Variants in KLRB1 observed in about 807,000 individuals in gnomAD.
KLRB1 encodes killer cell lectin like receptor B1, also known as killer cell lectin-like receptor subfamily B member 1.
KLRB1 carries 27 observed loss-of-function variants against 33.5 expected under a neutral mutation model. The observed-to-expected ratio is 0.81, with a 90% CI of 0.59 to 1.11. The LOEUF (loss-of-function observed/expected upper bound fraction) is 1.11, where lower values mean the gene tolerates loss of function less well. Ranked by LOEUF, KLRB1 falls within the 50% of genes most tolerant of loss-of-function variation. The pLI is 0.00. For missense variants in KLRB1, 241 were observed against 254.1 expected (o/e 0.95, Z 0.35); for synonymous variants, 64 against 88.9 (o/e 0.72, Z 1.58).
Position 9,598,147 on chromosome 12 carries a change from G to A in KLRB1, c.429C>T (p.Asn143=). The change falls in exon 5 of 6, where the codon AAC becomes AAT. Residue 143 remains asparagine (N), a synonymous_variant. Coordinates refer to ENST00000229402, the MANE Select transcript of KLRB1 (RefSeq NM_002258.3). ...RDKDELIHTQ[N]LIRDKAILFW... is the part of the protein sequence containing the mutation. ...ACAGAATTGCTTTGTCACGTATCAG[G>A]TTCTGTGTGTGTATCTATAAATGGA... 6.2e-7 allele frequency: 1 copy of A among 1,601,526 alleles called. No individual in the cohort carries two copies.
intron 2 of KLRB1, 148 bp from the exon 3 acceptor site, chr12:9,599,989 A>G (rs1206724858): frequency 1.2e-5 from 7 of 566,564 alleles, no homozygotes; most frequent in African/African-American, 1.2e-4. Context: ...GTAAAAAAAA[A>G]AAAAAAAGAT....
chr12:9,607,370 T>TTCTTTCTCTCTC lies in KLRB1; in HGVS notation c.85+384_85+385insGAGAGAGAAAGA, dbSNP rs1555097816. Among the ~76,000 whole-genome samples the TTCTTTCTCTCTC allele has an allele frequency of 2.8e-4, 24 of 86,358 alleles. 1 individual carries two copies. Among genetic ancestry groups the TTCTTTCTCTCTC allele is most frequent in the Non-Finnish European group, 5.6e-4 (22 of 39,554 alleles). 56.7% of individuals were successfully genotyped at this position (86,358 alleles called of 152,430 possible). A position where few individuals can be genotyped will look rare whatever the true frequency, so the allele number is the denominator to read the frequency against. On this transcript the variant is annotated intron_variant, in intron 1 of 5. Transcript: ENST00000229402. ...TTTCTTTCTTCCTTTCTTTCTTTCTTTCTTTCTTTCTTTCTTTCTTTCTTT... is the reference window on the plus strand; with the variant it reads ...TTTCTTTCTTCCTTTCTTTCTTTCTTTCTTTCTCTCTCTCTTTCTTTCTTTCTTTCTTTCTTT...
chr12:9,606,882 G>T (rs781744688), intron 1 of KLRB1, among the ~76,000 whole-genome samples: 1 of 149,576 alleles, frequency 6.7e-6, no homozygotes, highest in South Asian at 2.1e-4. Flanking sequence ...TCAGCCTCCC[G>T]AGTAGCTAGG....
chr12:9,594,589 A>G lies in KLRB1; in HGVS notation c.*685T>C, dbSNP rs1864475390. ...AGTATACACATTTTATTCGTTTTGC[A>G]TGTACATGAGGAACTCGCAAGAGAG... On this transcript the variant is annotated 3_prime_UTR_variant, in exon 6 of 6. Transcript: ENST00000229402. The G allele has an allele frequency of 6.6e-6, 1 of 152,106 alleles. No individual in the cohort carries two copies. The allele number at this position is 152,106 out of a possible 1,614,324, so 9.4% of individuals were successfully genotyped here.
At chr12:9,603,527 C>T (rs1010740220) in intron 1 of KLRB1, among the ~76,000 whole-genome samples, 16 of 151,988 alleles carry the variant, frequency 1.1e-4, no homozygotes, top group Non-Finnish European at 2.4e-4. Flanking sequence ...CAGGTTCAAG[C>T]AATTCTCTTG....
At chr12:9,606,657 TATATATAAA>T (rs1164881283) in intron 1 of KLRB1, among the ~76,000 whole-genome samples, 10 of 98,238 alleles carry the variant, frequency 1.0e-4, no homozygotes, top group African/African-American at 5.8e-4. Context: ...TTTATATATA[TATATATAAA>T]ATATATAAAA....
chr12:9,595,424 G>A lies in KLRB1; in HGVS notation c.531-3C>T. On this transcript the variant is annotated splice_region_variant and splice_polypyrimidine_tract_variant and intron_variant, in intron 5 of 5. Transcript: ENST00000229402. ...TAGCATCACCTCTAATTTCTAAGCTGTGGAGCAAAAGAAAAGTCTGTCTTA... is the reference window on the plus strand; with the variant it reads ...TAGCATCACCTCTAATTTCTAAGCTATGGAGCAAAAGAAAAGTCTGTCTTA... The A allele has an allele frequency of 1.9e-6, 3 of 1,611,392 alleles. No homozygotes were observed. Among genetic ancestry groups the A allele is most frequent in the East Asian group, 2.2e-5 (1 of 44,790 alleles).
chr12:9,607,696 C>T (rs767296171), intron 1 of KLRB1, 59 bp downstream of exon 1: 1 of 1,105,354 alleles, frequency 9.0e-7, no homozygotes, highest in Non-Finnish European at 1.4e-6. Context: ...ATAAATGTAA[C>T]AGGAAGATCT....
At chr12:9,607,056 A>C (rs967623454) in intron 1 of KLRB1, among the ~76,000 whole-genome samples, 1 of 152,020 alleles carries the variant, frequency 6.6e-6, no homozygotes, top group Non-Finnish European at 1.5e-5. Context: ...ACTGGCCTAC[A>C]CGTTGTATTC....
rs1190366242 is a variant in KLRB1 at position 9,594,647 on chromosome 12, T to G, written c.*627A>C. ...CATAGAAGTGGCCTAAGCAAGATGC[T>G]TTTATGCTTTTTAGACCAAGAATGA... On this transcript the variant is annotated 3_prime_UTR_variant, in exon 6 of 6. Transcript: ENST00000229402. 1 of 151,804 alleles carries G rather than the reference T, an allele frequency of 6.6e-6. No homozygotes were observed. Among genetic ancestry groups the G allele is most frequent in the South Asian group, 2.1e-4 (1 of 4,830 alleles). The allele number at this position is 151,804 out of a possible 1,614,324, so 9.4% of individuals were successfully genotyped here. A position where few individuals can be genotyped will look rare whatever the true frequency, so the allele number is the denominator to read the frequency against.
chr12:9,607,355 C>CTTCTTTTCTTT (rs1555097796), intron 1 of KLRB1, among the ~76,000 whole-genome samples: 1 of 52,706 alleles, frequency 1.9e-5, no homozygotes, highest in African/African-American at 5.2e-5. Context: ...TTTCTTTCTT[C>CTTCTTTTCTTT]CTTTCTTTCT....
In KLRB1 at chr12:9,595,124, C is replaced by T. The variant is rs1216222034; in HGVS notation, c.*150G>A. The T allele has an allele frequency of 3.1e-6, 2 of 636,720 alleles. No individual in the cohort carries two copies. The highest frequency in any genetic ancestry group is 3.7e-5 in the African/African-American group (2 of 54,140). 39.4% of individuals were successfully genotyped at this position (636,720 alleles called of 1,614,324 possible). ...ATAGAATGAATATGATAAACATGAACTTCTGTAAGATTCATAACAGTTGTC... is the reference window on the plus strand; with the variant it reads ...ATAGAATGAATATGATAAACATGAATTTCTGTAAGATTCATAACAGTTGTC... On this transcript the variant is annotated 3_prime_UTR_variant, in exon 6 of 6. Transcript: ENST00000229402.
chr12:9,606,350 C>T (rs1864597798), intron 1 of KLRB1: 1 of 152,090 alleles, frequency 6.6e-6, no homozygotes, highest in Admixed American at 6.6e-5. Context: ...CATCCATCCA[C>T]AGGCCATGCT....
At chr12:9,606,758 A>ATTTT (rs1285915836) in intron 1 of KLRB1, among the ~76,000 whole-genome samples, 3 of 65,910 alleles carry the variant, frequency 4.6e-5, no homozygotes, top group African/African-American at 2.8e-4. Flanking sequence ...ATATATATAT[A>ATTTT]TATTTTTTTT....
intron 5 of KLRB1, among the ~76,000 whole-genome samples, chr12:9,596,216 C>T (rs770601354): frequency 6.6e-6 from 1 of 152,274 alleles, no homozygotes; most frequent in East Asian, 1.9e-4. Flanking sequence ...GTTCCATTTT[C>T]TCATGTAGCC....
intron 1 of KLRB1, among the ~76,000 whole-genome samples, chr12:9,602,334 A>T (rs1380113789): frequency 6.6e-6 from 1 of 152,230 alleles, no homozygotes; most frequent in Non-Finnish European, 1.5e-5. Flanking sequence ...AGTTATGATT[A>T]TATTGATGAA....
In KLRB1 at chr12:9,607,368, C is replaced by CTTTCTT. The variant is rs1555097810; in HGVS notation, c.85+381_85+386dup. ...TCTTTCTTTCTTCCTTTCTTTCTTTCTTTCTTTCTTTCTTTCTTTCTTTCT... is the reference window on the plus strand; with the variant it reads ...TCTTTCTTTCTTCCTTTCTTTCTTTCTTTCTTTTTCTTTCTTTCTTTCTTTCTTTCT... On this transcript the variant is annotated intron_variant, in intron 1 of 5. Transcript: ENST00000229402. Among the ~76,000 whole-genome samples, 25 of 71,670 alleles carry CTTTCTT rather than the reference C, an allele frequency of 3.5e-4. 1 individual carries two copies. Among genetic ancestry groups the CTTTCTT allele is most frequent in the Admixed American group, 6.0e-4 (4 of 6,698 alleles). The allele number at this position is 71,670 out of a possible 152,430, so 47.0% of individuals were successfully genotyped here. A position where few individuals can be genotyped will look rare whatever the true frequency, so the allele number is the denominator to read the frequency against.
At chr12:9,607,362 T>TTCTTTCTTTCTTTCTC (rs1173717797) in intron 1 of KLRB1, among the ~76,000 whole-genome samples, 36 of 78,898 alleles carry the variant, frequency 4.6e-4, no homozygotes, top group African/African-American at 9.2e-4. Context: ...CTTCCTTTCT[T>TTCTTTCTTTCTTTCTC]TCTTTCTTTC....
Position 9,598,492 on chromosome 12 carries a change from G to C in KLRB1, c.414+7C>G. The C allele has an allele frequency of 6.2e-7, 1 of 1,602,788 alleles. No individual in the cohort carries two copies. Among genetic ancestry groups the C allele is most frequent in the Non-Finnish European group, 8.5e-7 (1 of 1,174,806 alleles). Reference sequence around the variant, plus strand: ...GTTTTATTAAGGTATTTTATTTAATGATTTACCAATTCATCCTTATCTCGA... The same window carrying C: ...GTTTTATTAAGGTATTTTATTTAATCATTTACCAATTCATCCTTATCTCGA... On this transcript the variant is annotated splice_region_variant and intron_variant, in intron 4 of 5. Transcript: ENST00000229402.
Sources: gnomAD v4.1 joint callset for allele counts (sites outside exome capture counted in the v4.1 genomes callset) on GRCh38, gnomAD v4.1.1 for gene constraint, MANE v1.5 for transcripts, NCBI Gene and HGNC (gene_info 2026-07-23, HGNC 2026-07-21) for gene names.